CALCRL: variants seen among roughly 807,000 people sequenced by gnomAD.
CALCRL encodes the protein calcitonin gene-related peptide type 1 receptor.
Under a neutral mutation model 60.4 loss-of-function variants are expected in CALCRL, and 27 were observed. That is an observed-to-expected ratio of 0.45 (90% confidence interval 0.33 to 0.62). The LOEUF (loss-of-function observed/expected upper bound fraction) is 0.62. CALCRL is among the 20% of genes least tolerant of loss of function. The probability of loss-of-function intolerance (pLI) is 0.03; values close to 1 mark genes in which losing one functional copy is unlikely to be tolerated. For synonymous variants in CALCRL, 190 were observed against 182.6 expected (o/e 1.04, Z -0.33); for missense variants, 424 against 540.7 (o/e 0.78, Z 2.14).
At chr2:187,373,871 C>T (rs929617033) in intron 8 of CALCRL, among the ~76,000 whole-genome samples, 3 of 152,156 alleles carry the variant, frequency 2.0e-5, no homozygotes, top group African/African-American at 7.2e-5. Flanking sequence ...GTCTGAAGAA[C>T]ACTCTCAGGC....
At chr2:187,404,644 A>G (rs1250524138) in intron 1 of CALCRL, among the ~76,000 whole-genome samples, 2 of 151,302 alleles carry the variant, frequency 1.3e-5, no homozygotes, top group African/African-American at 4.8e-5. Context: ...CTGTCTTTCC[A>G]GTGAGGAGTT....
intron 1 of CALCRL, among the ~76,000 whole-genome samples, chr2:187,438,878 A>C (rs1049805246): frequency 6.6e-6 from 1 of 152,206 alleles, no homozygotes; most frequent in African/African-American, 2.4e-5. Flanking sequence ...TAAGAATAAA[A>C]AAATGAAAAC....
At chr2:187,412,210 TCA>T (rs1274042864) in intron 1 of CALCRL, among the ~76,000 whole-genome samples, 20 of 152,152 alleles carry the variant, frequency 1.3e-4, no homozygotes, top group African/African-American at 4.3e-4. Context: ...TTCCTGATTT[TCA>T]GAAACATTCT....
At chr2:187,445,721 T>G (rs1691149411) in intron 1 of CALCRL, among the ~76,000 whole-genome samples, 1 of 151,586 alleles carries the variant, frequency 6.6e-6, no homozygotes, top group Non-Finnish European at 1.5e-5. Context: ...CAATTTTTTA[T>G]GAAATTTTAT....
intron 14 of CALCRL, among the ~76,000 whole-genome samples, chr2:187,348,761 A>T (rs749735544): frequency 3.3e-5 from 5 of 151,588 alleles, no homozygotes; most frequent in South Asian, 2.1e-4. Context: ...TGCTCTAAGG[A>T]TGTTACATTT....
At chr2:187,366,904 T>A (rs1687318272) in intron 8 of CALCRL, among the ~76,000 whole-genome samples, 1 of 131,646 alleles carries the variant, frequency 7.6e-6, no homozygotes, top group Non-Finnish European at 1.6e-5. Context: ...AAAATGTCAT[T>A]ATTGTGAGTA....
rs781300463 is a variant in CALCRL at position 187,359,243 on chromosome 2, C to G, written c.811G>C (p.Ala271Pro). 1 of 1,580,774 alleles carries G rather than the reference C, an allele frequency of 6.3e-7. No homozygotes were observed. Among genetic ancestry groups the G allele is most frequent in the South Asian group, 1.2e-5 (1 of 86,042 alleles). ...TTGTAATATAAGCTTCTAGCAATGG[C>G]ATGTATACAAGCAGGAATCAGTGGA... ...GFPLIPACIH[A>P]IARSLYYNDN... Residue 271 changes from alanine to proline, a missense_variant, in exon 11 of 15, where the codon GCC becomes CCC. Around this residue, in one of 7 missense-constraint regions of CALCRL, gnomAD observed 222 missense variants for 265.6 expected, o/e 0.84. Coordinates refer to ENST00000392370, the MANE Select transcript of CALCRL (RefSeq NM_005795.6).
In CALCRL at chr2:187,385,610, G is replaced by A; in HGVS notation, c.-15C>T. 6.5e-7 allele frequency: 1 copy of A among 1,547,690 alleles called. No homozygotes were observed. Among genetic ancestry groups the A allele is most frequent in the South Asian group, 1.2e-5 (1 of 85,722 alleles). ...TTTTTCTCCATCATTAAGCCAAAAT[G>A]AAATATGCTGTATAACATAAACTGC... On this transcript the variant is annotated 5_prime_UTR_variant, in exon 4 of 15. Transcript: ENST00000392370.
intron 9 of CALCRL, among the ~76,000 whole-genome samples, chr2:187,361,831 C>T (rs981014648): frequency 5.3e-5 from 8 of 151,792 alleles, no homozygotes; most frequent in Non-Finnish European, 1.0e-4. Context: ...TCATTATATA[C>T]GATGCCTCCT....
intron 4 of CALCRL, among the ~76,000 whole-genome samples, chr2:187,384,525 C>T (rs1335379595): frequency 1.3e-5 from 2 of 152,138 alleles, no homozygotes; most frequent in Non-Finnish European, 2.9e-5. Context: ...CTATGCAGCT[C>T]GCTCAGTGGA....
At chr2:187,419,743 G>A (rs1689788802) in intron 1 of CALCRL, among the ~76,000 whole-genome samples, 1 of 152,060 alleles carries the variant, frequency 6.6e-6, no homozygotes, top group Non-Finnish European at 1.5e-5. Context: ...GTTAACTGAA[G>A]AAAATGCTTA....
At chr2:187,440,850 A>G (rs1690874495) in intron 1 of CALCRL, among the ~76,000 whole-genome samples, 1 of 152,134 alleles carries the variant, frequency 6.6e-6, no homozygotes, top group Admixed American at 6.6e-5. Context: ...TGGAAAGTGC[A>G]TAATTAAGGA....
rs760458593 is a variant in CALCRL, at chr2:187,360,738, A to T, written c.641T>A (p.Val214Glu). 1 of 1,602,110 alleles carries T rather than the reference A, an allele frequency of 6.2e-7. No homozygotes were observed. Among genetic ancestry groups the T allele is most frequent in the African/African-American group, 1.4e-5 (1 of 73,996 alleles). Residue 214 changes from valine (V) to glutamate (E), a missense_variant, in exon 10 of 15, where the codon GTG becomes GAG. This residue lies in a region of CALCRL where 43 missense variants were observed against 40.9 expected (regional missense o/e 1.05). Transcript: ENST00000392370. ...LVATNPVSCK[V>E]SQFIHLYLMG... ...CAGGTAAAGATGAATGAACTGGGAC[A>T]CTTTGCAACTAACCTGTGAGGAAAA...
chr2:187,387,592 T>C, intron 2 of CALCRL, 74 bp downstream of exon 2: 1 of 384,130 alleles, frequency 2.6e-6, no homozygotes, highest in Non-Finnish European at 4.6e-6. Context: ...TTTATTTAAT[T>C]CAGTAATTAA....
intron 7 of CALCRL, among the ~76,000 whole-genome samples, 162 bp from the exon 8 acceptor site, chr2:187,379,193 A>T (rs1383597663): frequency 1.2e-4 from 19 of 152,132 alleles, no homozygotes; most frequent in Admixed American, 1.2e-3. Context: ...TAAATACTTG[A>T]ACGTGTCTGG....
intron 1 of CALCRL, among the ~76,000 whole-genome samples, chr2:187,443,297 A>T (rs1691011102): frequency 6.6e-6 from 1 of 151,850 alleles, no homozygotes; most frequent in African/African-American, 2.4e-5. Flanking sequence ...CCTCAGTCTC[A>T]TTCACAACAG....
At chr2:187,397,339 A>G (rs1224545934) in intron 1 of CALCRL, among the ~76,000 whole-genome samples, 1 of 151,620 alleles carries the variant, frequency 6.6e-6, no homozygotes, top group East Asian at 1.9e-4. Context: ...AATATCAAAT[A>G]AAGTGAATTG....
intron 1 of CALCRL, among the ~76,000 whole-genome samples, chr2:187,400,336 C>A (rs1688838135): frequency 6.6e-6 from 1 of 151,282 alleles, no homozygotes; most frequent in Admixed American, 6.6e-5. Flanking sequence ...TAATAAAATA[C>A]CACTTCATAC....
chr2:187,370,593 G>T (rs764641452), intron 8 of CALCRL, among the ~76,000 whole-genome samples: 16 of 152,016 alleles, frequency 1.1e-4, no homozygotes, highest in Non-Finnish European at 2.1e-4. Context: ...TGGATTTATA[G>T]CTTTATATTT....
Sources: allele counts gnomAD v4.1 joint callset (sites outside exome capture counted in the v4.1 genomes callset), GRCh38; gene constraint gnomAD v4.1.1; regional missense constraint gnomAD v4.1.1; transcripts MANE v1.5; gene names NCBI Gene and HGNC (gene_info 2026-07-23, HGNC 2026-07-21).